Variants in CELF2 observed in about 807,000 individuals in gnomAD.
The protein encoded by CELF2 is CUG triplet repeat RNA-binding protein 2.
Under a neutral mutation model 62.6 loss-of-function variants are expected in CELF2, and 8 were observed. The observed-to-expected ratio is 0.13, with a 90% CI of 0.07 to 0.23. The LOEUF (loss-of-function observed/expected upper bound fraction) is 0.23, where lower values mean the gene tolerates loss of function less well. Ranked by LOEUF, CELF2 falls within the 10% of genes least tolerant of loss-of-function variation. CELF2 has a pLI of 1.00. For missense variants in CELF2, 333 were observed against 671.0 expected, an observed-to-expected ratio of 0.50 and a Z score of 5.56; for synonymous variants, 258 against 250.0, an observed-to-expected ratio of 1.03 and a Z score of -0.30.
At chr10:10,760,031 C>T in the CELF2 span, among the ~76,000 whole-genome samples, 1 of 152,200 alleles carries the variant, frequency 6.6e-6, no homozygotes, top group South Asian at 2.1e-4. Flanking sequence ...CACCCTCCTG[C>T]GTAGCTGGGA....
At chr10:10,892,218 C>G (rs1050044712) in intron 1 of CELF2, among the ~76,000 whole-genome samples, 1 of 152,082 alleles carries the variant, frequency 6.6e-6, no homozygotes, top group Admixed American at 6.5e-5. Flanking sequence ...GCTAAAAACC[C>G]AAACAGCTTC....
rs1335643218 is a variant in CELF2, at chr10:11,319,407, G to C, written c.1097-1782G>C. On this transcript the variant is annotated intron_variant, in intron 10 of 12. Transcript: ENST00000633077. The surrounding 1 kb of genome is among the most constrained non-coding windows in gnomAD (Gnocchi z 4.4). ...GCCCTCTGGTGGCCATAGTAACAGG[G>C]ACAGAGGGGAAGCACAGCGGCAGGG... 6.6e-6 allele frequency among the ~76,000 whole-genome samples: 1 copy of C among 152,128 alleles called. No individual in the cohort carries two copies. The highest frequency in any genetic ancestry group is 1.9e-4 in the East Asian group (1 of 5,190).
chr10:11,078,252 T>TG lies in CELF2; in HGVS notation c.74+60095dup, dbSNP rs201439139. On this transcript the variant is annotated intron_variant, in intron 1 of 12. Coordinates refer to ENST00000633077, the MANE Select transcript of CELF2 (RefSeq NM_001326342.2). The stretch of plus-strand genomic sequence containing the variant: ...CCTTGTATTATCCTAAAGGAAGTGG[T>TG]GGGGGGCGGAATGTATGCAATGGGA... 8.8e-3 allele frequency among the ~76,000 whole-genome samples: 1,325 copies of TG among 151,282 alleles called. 11 individuals carry two copies. Among genetic ancestry groups the TG allele is most frequent in the African/African-American group, 0.025 (1,031 of 41,208 alleles).
intron 8 of CELF2, among the ~76,000 whole-genome samples, chr10:11,286,083 G>A (rs1478854568): frequency 3.9e-5 from 6 of 152,232 alleles, no homozygotes; most frequent in African/African-American, 1.4e-4. Context: ...CTCCTTAGGA[G>A]GAGGCTATGG....
the CELF2 span, among the ~76,000 whole-genome samples, chr10:10,537,257 C>A: frequency 1.3e-5 from 2 of 152,142 alleles, no homozygotes; most frequent in Non-Finnish European, 2.9e-5. Context: ...CCAGAAATGC[C>A]AAGAGATGGA....
At chr10:10,764,133 T>A in the CELF2 span, among the ~76,000 whole-genome samples, 1 of 152,204 alleles carries the variant, frequency 6.6e-6, no homozygotes, top group Admixed American at 6.5e-5. Flanking sequence ...GGAAAGGAGA[T>A]GTCAGTAGGG....
chr10:11,253,355 T>G (rs2077703065), intron 4 of CELF2, among the ~76,000 whole-genome samples: 1 of 152,144 alleles, frequency 6.6e-6, no homozygotes, highest in Admixed American at 6.5e-5. Context: ...GGTGTCAAGT[T>G]CAGAGCTAGC....
chr10:10,496,444 T>C, the CELF2 span, among the ~76,000 whole-genome samples: 1 of 152,188 alleles, frequency 6.6e-6, no homozygotes. Flanking sequence ...TTCTGATTGC[T>C]TTTAAAGCCT....
chr10:10,965,088 C>T (rs573880950), intron 2 of CELF2, among the ~76,000 whole-genome samples: 2 of 152,160 alleles, frequency 1.3e-5, no homozygotes, highest in African/African-American at 4.8e-5. Context: ...AGAGGCTTTC[C>T]CTCTCGTTTC....
intron 1 of CELF2, among the ~76,000 whole-genome samples, chr10:10,833,773 C>T (rs533275353): frequency 2.6e-5 from 4 of 152,114 alleles, no homozygotes; most frequent in Non-Finnish European, 5.9e-5. Context: ...TACCATCTCG[C>T]ACCAGTCAGA....
chr10:10,700,290 C>G, the CELF2 span, among the ~76,000 whole-genome samples: 6 of 152,252 alleles, frequency 3.9e-5, no homozygotes, highest in Admixed American at 2.6e-4. Flanking sequence ...GAAAGGGAGG[C>G]CCAAGGCTGG....
At position 11,017,915 on chromosome 10, in the gene CELF2, G is replaced by C. The variant is rs2057521583; in HGVS notation, c.-175G>C. On this transcript the variant is annotated 5_prime_UTR_variant, in exon 1 of 13. Coordinates refer to ENST00000633077, the MANE Select transcript of CELF2 (RefSeq NM_001326342.2). The surrounding 1 kb of genome is among the most constrained non-coding windows in gnomAD (Gnocchi z 5.5). ...TGGCGCTCGGCAGCCGGCCGCCCCGGCGCTGGATTTCGGAGGGGATTGGCG... is the reference window on the plus strand; with the variant it reads ...TGGCGCTCGGCAGCCGGCCGCCCCGCCGCTGGATTTCGGAGGGGATTGGCG... The C allele has an allele frequency of 4.1e-6, 4 of 981,420 alleles. No homozygotes were observed. Among genetic ancestry groups the C allele is most frequent in the Non-Finnish European group, 3.6e-6 (3 of 828,368 alleles). The allele number at this position is 981,420 out of a possible 1,614,324, so 60.8% of individuals were successfully genotyped here. A position where few individuals can be genotyped will look rare whatever the true frequency, so the allele number is the denominator to read the frequency against.
At chr10:10,876,976 A>G (rs899466528) in intron 1 of CELF2, among the ~76,000 whole-genome samples, 3 of 152,168 alleles carry the variant, frequency 2.0e-5, no homozygotes, top group Admixed American at 6.5e-5. Flanking sequence ...CCTCAGCTGA[A>G]TGCCACCCAG....
In CELF2 at chr10:11,241,937, G is replaced by A. The variant is rs147974493; in HGVS notation, c.355-7216G>A. On this transcript the variant is annotated intron_variant, in intron 3 of 12. Transcript: ENST00000633077. Reference sequence around the variant, plus strand: ...TTCAGAAAGTACAGGTGCCTTTGGCGTTTCATAGTCAATATACAAGCGAGA... The same window carrying A: ...TTCAGAAAGTACAGGTGCCTTTGGCATTTCATAGTCAATATACAAGCGAGA... Among the ~76,000 whole-genome samples the A allele has an allele frequency of 5.8e-3, 884 of 152,250 alleles. 4 individuals carry two copies. Among genetic ancestry groups the A allele is most frequent in the Non-Finnish European group, 8.6e-3 (587 of 68,020 alleles).
At position 11,223,239 on chromosome 10, in the gene CELF2, G is replaced by C. The variant is rs2065438587; in HGVS notation, c.354+5732G>C. Among the ~76,000 whole-genome samples the C allele has an allele frequency of 6.6e-6, 1 of 152,210 alleles. No homozygotes were observed. Among genetic ancestry groups the C allele is most frequent in the Non-Finnish European group, 1.5e-5 (1 of 68,034 alleles). ...ATCCTCACAGTCAGGCCTGAGCGGG[G>C]CACTGCCTGAGGAGCTTCCTGAGCC... On this transcript the variant is annotated intron_variant, in intron 3 of 12. Coordinates refer to ENST00000633077, the MANE Select transcript of CELF2 (RefSeq NM_001326342.2). This position sits in a 1 kb window ranked among gnomAD's most constrained non-coding sequence, Gnocchi z 5.1.
intron 8 of CELF2, among the ~76,000 whole-genome samples, chr10:11,282,637 G>T (rs549133513): frequency 7.4e-4 from 112 of 152,310 alleles, no homozygotes; most frequent in African/African-American, 2.5e-3. Flanking sequence ...TCTATGTGTT[G>T]ACCCATTTAA....
the CELF2 span, among the ~76,000 whole-genome samples, chr10:10,566,420 T>A: frequency 6.4e-5 from 4 of 62,750 alleles, no homozygotes; most frequent in African/African-American, 4.6e-4. Flanking sequence ...TTTTTTTTAA[T>A]TTTTTTTTTT....
In CELF2 at chr10:11,098,271, C is replaced by T. The variant is rs1888187; in HGVS notation, c.75-67215C>T. On this transcript the variant is annotated intron_variant, in intron 1 of 12. Transcript: ENST00000633077. This position sits in a 1 kb window ranked among gnomAD's most constrained non-coding sequence, Gnocchi z 4.0. ...TGTGCTGTGAGCAGCGACGGGCACC[C>T]AGCAGCCCTCGCCTTGTCTTCCTGC... 53,640 of 152,102 alleles carry T rather than the reference C, an allele frequency of 0.35. 10,253 individuals are homozygous for T. Among genetic ancestry groups the T allele is most frequent in the African/African-American group, 0.48 (19,902 of 41,412 alleles). 9.4% of individuals were successfully genotyped at this position (152,102 alleles called of 1,614,324 possible). A position where few individuals can be genotyped will look rare whatever the true frequency, so the allele number is the denominator to read the frequency against.
intron 2 of CELF2, among the ~76,000 whole-genome samples, chr10:10,982,962 A>G (rs190610758): frequency 4.6e-5 from 7 of 151,220 alleles, no homozygotes; most frequent in African/African-American, 1.7e-4. Flanking sequence ...GTATGTATTC[A>G]TTTAAATTGT....
Sources: allele counts gnomAD v4.1 joint callset (sites outside exome capture counted in the v4.1 genomes callset), GRCh38; gene constraint gnomAD v4.1.1; non-coding constraint Gnocchi (gnomAD v3.1); transcripts MANE v1.5; gene names NCBI Gene and HGNC (gene_info 2026-07-23, HGNC 2026-07-21).